OPLAH: variants seen among roughly 807,000 people sequenced by gnomAD.
OPLAH encodes 5-oxoprolinase, ATP-hydrolysing.
A neutral mutation model predicts 122.8 loss-of-function variants in OPLAH; 103 were observed. The observed-to-expected ratio is 0.84, with a 90% CI of 0.71 to 0.99. The LOEUF (loss-of-function observed/expected upper bound fraction) is 0.99. OPLAH is among the 50% of genes least tolerant of loss of function. The probability of loss-of-function intolerance (pLI) is 0.00; values close to 1 mark genes in which losing one functional copy is unlikely to be tolerated. For synonymous variants in OPLAH, 875 were observed against 796.0 expected (o/e 1.10, Z -1.67); for missense variants, 1,902 against 1,836.5 (o/e 1.04, Z -0.65).
chr8:144,061,756 C>T (rs1363038327), upstream of OPLAH, among the ~76,000 whole-genome samples: 31 of 152,218 alleles, frequency 2.0e-4, no homozygotes, highest in Admixed American at 2.0e-3. Context: ...GGCACGGTGG[C>T]TCACGCCTGT....
At position 144,055,880 on chromosome 8, in the gene OPLAH, A is replaced by G. The variant is rs782751137; in HGVS notation, c.2156T>C (p.Ile719Thr). 6.3e-7 allele frequency: 1 copy of G among 1,585,136 alleles called. No homozygotes were observed. The highest frequency in any genetic ancestry group is 8.6e-7 in the Non-Finnish European group (1 of 1,166,134). Residue 719 changes from isoleucine to threonine, a missense_variant, in exon 16 of 27, where the codon ATC becomes ACC. Around this residue, in one of 3 missense-constraint regions of OPLAH, gnomAD observed 1,726 missense variants for 1,642.1 expected, o/e 1.05. Coordinates refer to ENST00000618853, the MANE Select transcript of OPLAH (RefSeq NM_017570.5). This position sits in a 1 kb window ranked among gnomAD's most constrained non-coding sequence, Gnocchi z 6.5. ...AEVTKTGDICISVGAEVPGTV... is the reference protein window; with the variant it reads ...AEVTKTGDICTSVGAEVPGTV... ...GCCGGGGACTTCGGCCCCCACGGAG[A>G]TGCAGATGTCCCCTGTCTTGGTCAC...
At chr8:144,050,593 G>A (rs942915427), downstream of OPLAH, 1 of 985,692 alleles carries the variant, frequency 1.0e-6, no homozygotes, top group Non-Finnish European at 1.2e-6. Flanking sequence ...GATCCCTGCC[G>A]GCTGGGCACG....
Position 144,058,335 on chromosome 8 carries a change from C to T in OPLAH, c.853G>A (p.Ala285Thr). The T allele has an allele frequency of 6.3e-7, 1 of 1,599,558 alleles. No homozygotes were observed. The highest frequency in any genetic ancestry group is 8.5e-7 in the Non-Finnish European group (1 of 1,175,394). Residue 285 changes from alanine (A) to threonine (T), a missense_variant, in exon 7 of 27, where the codon GCT (alanine) becomes ACT (threonine). This residue lies in a region of OPLAH where 1,726 missense variants were observed against 1,642.1 expected (regional missense o/e 1.05). Coordinates refer to ENST00000618853, the MANE Select transcript of OPLAH (RefSeq NM_017570.5). ...CCGCCGGCCGGGCCCGAGAGCACAG[C>T]ACTGGAGCCGCTGAAGGTGTCCATG... ...APMDTFSGSSAVLSGPAGGVV... is the reference protein window; with the variant it reads ...APMDTFSGSSTVLSGPAGGVV...
At chr8:144,058,171 G>T (rs781806028) in intron 7 of OPLAH, 23 bp from the exon 8 acceptor site, 1 of 1,611,428 alleles carries the variant, frequency 6.2e-7, no homozygotes, top group East Asian at 2.2e-5. Flanking sequence ...GGGTGCTGGT[G>T]GGTCACTTGA....
At chr8:144,056,021 G>C in intron 15 of OPLAH, 82 bp from the exon 16 acceptor site, 1 of 1,493,340 alleles carries the variant, frequency 6.7e-7, no homozygotes, top group Non-Finnish European at 8.9e-7. Context: ...CAGGCCAGGG[G>C]CCACCCCAAC....
chr8:144,057,408 G>C, intron 10 of OPLAH, 40 bp downstream of exon 10: 1 of 1,589,752 alleles, frequency 6.3e-7, no homozygotes, highest in Non-Finnish European at 8.6e-7. Flanking sequence ...AGGGAGCAGG[G>C]CTGGGGGCAG....
Position 144,052,614 on chromosome 8 carries a change from G to A in OPLAH, c.3154-16C>T. 2 of 1,581,572 alleles carry A rather than the reference G, an allele frequency of 1.3e-6. No homozygotes were observed. The highest frequency in any genetic ancestry group is 1.7e-6 in the Non-Finnish European group (2 of 1,168,612). On this transcript the variant is annotated splice_polypyrimidine_tract_variant and intron_variant, in intron 22 of 26. Coordinates refer to ENST00000618853, the MANE Select transcript of OPLAH (RefSeq NM_017570.5). The stretch of plus-strand genomic sequence containing the variant: ...CCAGGCAGCCCTGTGCGGGGCGGGC[G>A]GCTCTCAGGAGCTCTTGGGGTGGGC...
intron 19 of OPLAH, among the ~76,000 whole-genome samples, chr8:144,054,170 C>G (rs770184734): frequency 6.6e-6 from 1 of 152,038 alleles, no homozygotes; most frequent in South Asian, 2.1e-4. Flanking sequence ...GTGACTCAGA[C>G]CTAGGCCCAG....
At position 144,058,778 on chromosome 8, in the gene OPLAH, C is replaced by A; in HGVS notation, c.582G>T (p.Ser194=). Residue 194 remains serine (S), a synonymous_variant, in exon 5 of 27, where the codon TCG becomes TCT. Coordinates refer to ENST00000618853, the MANE Select transcript of OPLAH (RefSeq NM_017570.5). ...CACAGCCCCACCTCACTCACGTGTACGAGTGCATGAGCACCACAGCCAGGC... is the reference window on the plus strand; with the variant it reads ...CACAGCCCCACCTCACTCACGTGTAAGAGTGCATGAGCACCACAGCCAGGC... ...IRSLAVVLMH[S]YTWAQHEQQV... 1 of 1,601,042 alleles carries A rather than the reference C, an allele frequency of 6.2e-7. No homozygotes were observed. Among genetic ancestry groups the A allele is most frequent in the Non-Finnish European group, 8.5e-7 (1 of 1,172,656 alleles).
chr8:144,051,853 GAGACC>G (rs1835384825), intron 25 of OPLAH, 27 bp from the exon 26 acceptor site: 2 of 953,354 alleles, frequency 2.1e-6, no homozygotes, highest in African/African-American at 1.8e-5. Flanking sequence ...GGAGTCCAGA[GAGACC>G]AGGGGCGGGG....
intron 26 of OPLAH, 64 bp downstream of exon 26, chr8:144,051,665 C>A: frequency 7.3e-7 from 1 of 1,376,518 alleles, no homozygotes. Flanking sequence ...ACTGTTCCCC[C>A]TCTGTGGGAT....
In OPLAH at chr8:144,058,088, G is replaced by C; in HGVS notation, c.1010C>G (p.Thr337Arg). Reference protein sequence around the residue: ...GEFEHVFEASTAGVTLQAPQL... With the variant: ...GEFEHVFEASRAGVTLQAPQL... ...CGGGGCCTGGAGGGTGACGCCAGCT[G>C]TGCTGGCCTCGAAGACGTGCTCGAA... Residue 337 changes from threonine (T) to arginine (R), a missense_variant, in exon 8 of 27, where the codon ACA becomes AGA. This residue lies in a region of OPLAH where 1,726 missense variants were observed against 1,642.1 expected (regional missense o/e 1.05). Coordinates refer to ENST00000618853, the MANE Select transcript of OPLAH (RefSeq NM_017570.5). 6.2e-7 allele frequency: 1 copy of C among 1,612,526 alleles called. No homozygotes were observed. Among genetic ancestry groups the C allele is most frequent in the Non-Finnish European group, 8.5e-7 (1 of 1,179,810 alleles).
Position 144,058,301 on chromosome 8 carries a change from CCCA to C in OPLAH, c.884_886del (p.Val295del). On this transcript the variant is annotated inframe_deletion, in exon 7 of 27. Coordinates refer to ENST00000618853, the MANE Select transcript of OPLAH (RefSeq NM_017570.5). ...CTGCTGGTAGGTGGTGGCTGAGTAGCCCACCACGCCGCCGGCCGGGCCCGAGAG... is the reference window on the plus strand; with the variant it reads ...CTGCTGGTAGGTGGTGGCTGAGTAGCCCACGCCGCCGGCCGGGCCCGAGAG... The C allele has an allele frequency of 1.2e-6, 2 of 1,608,220 alleles. No individual in the cohort carries two copies. Among genetic ancestry groups the C allele is most frequent in the Non-Finnish European group, 1.7e-6 (2 of 1,178,660 alleles).
chr8:144,060,486 C>T (rs576640973), intron 1 of OPLAH, among the ~76,000 whole-genome samples, 167 bp downstream of exon 1: 124 of 152,308 alleles, frequency 8.1e-4, no homozygotes, highest in Non-Finnish European at 1.1e-3. Context: ...TCGACCCAAG[C>T]CTGGCGGGCC....
In OPLAH at chr8:144,059,182, G is replaced by A. The variant is rs894907074; in HGVS notation, c.364-103C>T. The stretch of plus-strand genomic sequence containing the variant: ...GTGAGTGGCTGTGTCCCAACAGGCC[G>A]GTCGGCAGGCCCAGGAGAGTCATAC... On this transcript the variant is annotated intron_variant, in intron 3 of 26. Coordinates refer to ENST00000618853, the MANE Select transcript of OPLAH (RefSeq NM_017570.5). The A allele has an allele frequency of 1.0e-4, 96 of 955,060 alleles. 2 individuals carry two copies. Among genetic ancestry groups the A allele is most frequent in the Non-Finnish European group, 2.2e-5 (14 of 639,308 alleles). 59.2% of individuals were successfully genotyped at this position (955,060 alleles called of 1,614,324 possible). A position where few individuals can be genotyped will look rare whatever the true frequency, so the allele number is the denominator to read the frequency against.
Position 144,054,850 on chromosome 8 carries a change from C to T in OPLAH, c.2473G>A (p.Gly825Arg), listed in dbSNP as rs11777194. 3,762 of 1,612,044 alleles carry T rather than the reference C, an allele frequency of 2.3e-3. 7 individuals carry two copies. Among genetic ancestry groups the T allele is most frequent in the Non-Finnish European group, 2.9e-3 (3,466 of 1,179,744 alleles). ...DVLLSNHPSAGGSHLPDLTVI... is the reference protein window; with the variant it reads ...DVLLSNHPSARGSHLPDLTVI... Reference sequence around the variant, plus strand: ...GTCAGGTCTGGCAGGTGGCTGCCCCCGGCACTGGGATGGTTGCTCAGTAGC... The same window carrying T: ...GTCAGGTCTGGCAGGTGGCTGCCCCTGGCACTGGGATGGTTGCTCAGTAGC... Residue 825 changes from glycine (G) to arginine (R), a missense_variant, in exon 18 of 27, where the codon GGG becomes AGG. Coordinates refer to ENST00000618853, the MANE Select transcript of OPLAH (RefSeq NM_017570.5).
chr8:144,052,492 A>G lies in OPLAH; in HGVS notation c.3260T>C (p.Val1087Ala). ...CCCAAAGGCCCCCAGGATGACATCCACCACGCGCTGCGACGTGAGCACGTT... is the reference window on the plus strand; with the variant it reads ...CCCAAAGGCCCCCAGGATGACATCCGCCACGCGCTGCGACGTGAGCACGTT... Reference protein sequence around the residue: ...GGNVLTSQRVVDVILGAFGAC... With the variant: ...GGNVLTSQRVADVILGAFGAC... The change falls in exon 23 of 27, where the codon GTG (valine) becomes GCG (alanine). Residue 1087 changes from valine (V) to alanine (A), a missense_variant. This residue lies in a region of OPLAH where 1,726 missense variants were observed against 1,642.1 expected (regional missense o/e 1.05). Transcript: ENST00000618853. The G allele has an allele frequency of 6.4e-7, 1 of 1,565,784 alleles. No homozygotes were observed. Among genetic ancestry groups the G allele is most frequent in the Non-Finnish European group, 8.6e-7 (1 of 1,162,492 alleles).
Position 144,060,075 on chromosome 8 carries a change from C to T in OPLAH, c.-43G>A. 6.3e-7 allele frequency: 1 copy of T among 1,586,242 alleles called. No individual in the cohort carries two copies. Reference sequence around the variant, plus strand: ...CCCACAGGAGCTCTTCAGCTGGTAGCCCTGGAAAAACTGGACGGAGGCGGG... The same window carrying T: ...CCCACAGGAGCTCTTCAGCTGGTAGTCCTGGAAAAACTGGACGGAGGCGGG... On this transcript the variant is annotated 5_prime_UTR_variant, in exon 2 of 27. Transcript: ENST00000618853.
At chr8:144,054,765 A>G in intron 18 of OPLAH, 30 bp from the exon 19 acceptor site, 1 of 1,612,066 alleles carries the variant, frequency 6.2e-7, no homozygotes. Flanking sequence ...GGTCAGCTGC[A>G]TCGGCCACCA....
Sources: gnomAD v4.1 joint callset for allele counts (sites outside exome capture counted in the v4.1 genomes callset) on GRCh38, gnomAD v4.1.1 for gene constraint, gnomAD v4.1.1 regional missense constraint, Gnocchi (gnomAD v3.1) non-coding constraint, MANE v1.5 for transcripts, NCBI Gene and HGNC (gene_info 2026-07-23, HGNC 2026-07-21) for gene names.